The following LRFN2 variants were observed in gnomAD, a reference collection of about 807,000 sequenced individuals.
LRFN2 encodes the protein leucine rich repeat and fibronectin type III domain containing 2, also known as leucine-rich repeat and fibronectin type-III domain-containing protein 2.
Under a neutral mutation model 37.3 loss-of-function variants are expected in LRFN2, and 18 were observed. The observed-to-expected ratio is 0.48, with a 90% CI of 0.33 to 0.72. The LOEUF (loss-of-function observed/expected upper bound fraction) is 0.72, where lower values mean the gene tolerates loss of function less well. Among genes scored for constraint, LRFN2 ranks in the 30% least tolerant of loss-of-function variants. The pLI is 0.02. For missense variants in LRFN2, 1,006 were observed against 1,060.7 expected (o/e 0.95, Z 0.72); for synonymous variants, 556 against 466.6 (o/e 1.19, Z -2.47).
chr6:40,467,934 G>A (rs1177803539), intron 1 of LRFN2, among the ~76,000 whole-genome samples: 1 of 152,082 alleles, frequency 6.6e-6, no homozygotes, highest in Non-Finnish European at 1.5e-5. Flanking sequence ...GTCATAGGCA[G>A]TCTCCAGTCT....
At chr6:40,410,129 C>T (rs1762934300) in intron 2 of LRFN2, among the ~76,000 whole-genome samples, 1 of 152,132 alleles carries the variant, frequency 6.6e-6, no homozygotes, top group African/African-American at 2.4e-5. Flanking sequence ...TCCTGATGCA[C>T]TCCCAACCCT....
rs369219225 is a variant in LRFN2, at chr6:40,391,782, G to A, written c.*161C>T. 3 of 620,770 alleles carry A rather than the reference G, an allele frequency of 4.8e-6. No individual in the cohort carries two copies. Among genetic ancestry groups the A allele is most frequent in the East Asian group, 6.7e-5 (2 of 29,710 alleles). The allele number at this position is 620,770 out of a possible 1,614,324, so 38.5% of individuals were successfully genotyped here. A position where few individuals can be genotyped will look rare whatever the true frequency, so the allele number is the denominator to read the frequency against. On this transcript the variant is annotated 3_prime_UTR_variant, in exon 3 of 3. Transcript: ENST00000338305. ...CCCGGCCGGGTGGTGGGGAGGTGAT[G>A]TGGGTGTTGCGGGGTAGGGGGGGAC...
chr6:40,447,086 C>T (rs1405658079), intron 1 of LRFN2, among the ~76,000 whole-genome samples: 1 of 150,938 alleles, frequency 6.6e-6, no homozygotes, highest in African/African-American at 2.5e-5. Context: ...CTCCCTGAGT[C>T]AGGGCTGTGT....
At chr6:40,505,740 G>T (rs549058723) in intron 1 of LRFN2, among the ~76,000 whole-genome samples, 55 of 152,248 alleles carry the variant, frequency 3.6e-4, no homozygotes, top group African/African-American at 1.3e-3. Context: ...GTGGGACTTT[G>T]CCTCACACAG....
chr6:40,448,022 G>A (rs1171940713), intron 1 of LRFN2, among the ~76,000 whole-genome samples: 1 of 152,196 alleles, frequency 6.6e-6, no homozygotes, highest in African/African-American at 2.4e-5. Context: ...GGAGTTTCAG[G>A]GAGGGAGGCC....
At chr6:40,562,739 T>C (rs1450685146) in intron 1 of LRFN2, among the ~76,000 whole-genome samples, 2 of 152,144 alleles carry the variant, frequency 1.3e-5, no homozygotes, top group Non-Finnish European at 2.9e-5. Flanking sequence ...TATTTCTGTC[T>C]GTGCATGGAG....
intron 1 of LRFN2, among the ~76,000 whole-genome samples, chr6:40,461,718 G>T (rs1349880793): frequency 6.6e-6 from 1 of 152,140 alleles, no homozygotes; most frequent in Non-Finnish European, 1.5e-5. Flanking sequence ...AGTAGGAGAG[G>T]CGAGGGAGAT....
At chr6:40,525,269 A>G (rs1308718831) in intron 1 of LRFN2, among the ~76,000 whole-genome samples, 3 of 152,214 alleles carry the variant, frequency 2.0e-5, no homozygotes, top group Admixed American at 6.5e-5. Context: ...CACCCCAGAA[A>G]GCAAGGGCGG....
chr6:40,446,868 T>TC lies in LRFN2; in HGVS notation c.-18-13738dup, dbSNP rs551030647. Among the ~76,000 whole-genome samples, 15 of 29,680 alleles carry TC rather than the reference T, an allele frequency of 5.1e-4. No individual in the cohort carries two copies. In the East Asian group the frequency reaches 0.013, roughly 26 times the overall value. 19.5% of individuals were successfully genotyped at this position (29,680 alleles called of 152,430 possible). ...GGGGCTCCCTGATGATGGGGCTGTG[T>TC]CTCCCTCAGACTGGGGCTTCCTGAG... On this transcript the variant is annotated intron_variant, in intron 1 of 2. Transcript: ENST00000338305.
At chr6:40,533,057 A>C (rs1766376954) in intron 1 of LRFN2, among the ~76,000 whole-genome samples, 1 of 152,096 alleles carries the variant, frequency 6.6e-6, no homozygotes, top group Non-Finnish European at 1.5e-5. Context: ...AACGTTTCCC[A>C]GGGCTTCTTG....
At chr6:40,521,752 C>T (rs1032590607) in intron 1 of LRFN2, among the ~76,000 whole-genome samples, 1 of 152,066 alleles carries the variant, frequency 6.6e-6, no homozygotes, top group Non-Finnish European at 1.5e-5. Context: ...CTCCTCTTAT[C>T]AATCTCCTAC....
chr6:40,521,203 A>G (rs1766059649), intron 1 of LRFN2, among the ~76,000 whole-genome samples: 1 of 152,102 alleles, frequency 6.6e-6, no homozygotes, highest in Non-Finnish European at 1.5e-5. Context: ...AAAAGAAGGG[A>G]GGATGAGAAG....
In LRFN2 at chr6:40,404,955, C is replaced by T. The variant is rs142933448; in HGVS notation, c.1401-12043G>A. On this transcript the variant is annotated intron_variant, in intron 2 of 2. Transcript: ENST00000338305. Reference sequence around the variant, plus strand: ...GCTTATCTGCCCACTGGAGTGTTCTCTCTGCCTCCCATACTCAGCCTGTGC... The same window carrying T: ...GCTTATCTGCCCACTGGAGTGTTCTTTCTGCCTCCCATACTCAGCCTGTGC... 6.6e-3 allele frequency among the ~76,000 whole-genome samples: 998 copies of T among 152,334 alleles called. 8 individuals are homozygous for T. The highest frequency in any genetic ancestry group is 0.014 in the Middle Eastern group (4 of 294).
At chr6:40,400,763 C>G (rs1762721469) in intron 2 of LRFN2, among the ~76,000 whole-genome samples, 1 of 151,764 alleles carries the variant, frequency 6.6e-6, no homozygotes, top group Admixed American at 6.6e-5. Context: ...ACTGCAAGGG[C>G]TCCTGAAAAC....
At chr6:40,577,078 A>ATTTTCTTTTC (rs201046012) in intron 1 of LRFN2, among the ~76,000 whole-genome samples, 3 of 56,854 alleles carry the variant, frequency 5.3e-5, no homozygotes, top group East Asian at 3.3e-4. Flanking sequence ...TCCAAGGCCC[A>ATTTTCTTTTC]TTTTCTTTTC....
chr6:40,542,500 A>G (rs776613625), intron 1 of LRFN2, among the ~76,000 whole-genome samples: 8 of 152,152 alleles, frequency 5.3e-5, no homozygotes, highest in Non-Finnish European at 1.0e-4. Context: ...ATACACAGAC[A>G]TCCCAGCTTC....
intron 1 of LRFN2, among the ~76,000 whole-genome samples, chr6:40,504,005 C>A (rs1355291050): frequency 1.3e-5 from 2 of 149,714 alleles, no homozygotes; most frequent in Admixed American, 1.3e-4. Flanking sequence ...GCAGGGGTGG[C>A]GAGAGATAGG....
chr6:40,417,762 A>G (rs977618924), intron 2 of LRFN2, among the ~76,000 whole-genome samples: 3 of 152,036 alleles, frequency 2.0e-5, no homozygotes, highest in Non-Finnish European at 4.4e-5. Context: ...TTTGTTCCCT[A>G]CCTAAGTACT....
At chr6:40,455,004 T>G (rs755955876) in intron 1 of LRFN2, among the ~76,000 whole-genome samples, 7 of 152,328 alleles carry the variant, frequency 4.6e-5, no homozygotes, top group Non-Finnish European at 1.0e-4. Flanking sequence ...TAACTGGGAA[T>G]CTAGGACATA....
Sources: gnomAD v4.1 joint callset for allele counts (sites outside exome capture counted in the v4.1 genomes callset) on GRCh38, gnomAD v4.1.1 for gene constraint, MANE v1.5 for transcripts, NCBI Gene and HGNC (gene_info 2026-07-23, HGNC 2026-07-21) for gene names.